The following LRRN2 variants were observed in gnomAD, a reference collection of about 807,000 sequenced individuals.
The protein encoded by LRRN2 is leucine rich repeat neuronal 2.
Under a neutral mutation model 35.7 loss-of-function variants are expected in LRRN2, and 10 were observed. The ratio of observed to expected loss-of-function variants is 0.28; its 90% CI spans 0.17 to 0.47. The LOEUF is 0.47. Among genes scored for constraint, LRRN2 ranks in the 20% least tolerant of loss-of-function variants. LRRN2 has a pLI of 0.99. For synonymous variants in LRRN2, 391 were observed against 409.6 expected, an observed-to-expected ratio of 0.95 and a Z score of 0.55; for missense variants, 731 against 940.3, an observed-to-expected ratio of 0.78 and a Z score of 2.91.
chr1:204,672,305 C>T (rs926249859), intron 1 of LRRN2, among the ~76,000 whole-genome samples: 1 of 152,112 alleles, frequency 6.6e-6, no homozygotes, highest in East Asian at 1.9e-4. Context: ...AAGTCCTTCC[C>T]CCTCCCCATT....
rs116055977 is a variant in LRRN2, at chr1:204,681,042, C to T, written c.-227+4278G>A. Among the ~76,000 whole-genome samples the T allele has an allele frequency of 6.6e-3, 999 of 152,016 alleles. 15 individuals are homozygous for T. Among genetic ancestry groups the T allele is most frequent in the Middle Eastern group, 0.048 (14 of 294 alleles). On this transcript the variant is annotated intron_variant, in intron 1 of 1. Transcript: ENST00000367177. ...TGTAATCTCAGCTCACTACAATCTC[C>T]GCCACCTGGGTTCAAGTGATTCTCC... is the stretch of plus-strand genomic sequence containing the variant.
intron 1 of LRRN2, among the ~76,000 whole-genome samples, chr1:204,657,950 G>GT (rs903407201): frequency 4.9e-5 from 7 of 142,752 alleles, no homozygotes; most frequent in Non-Finnish European, 1.1e-4. Flanking sequence ...TAAAATTCTA[G>GT]TAAGCCTTAG....
At chr1:204,624,524 C>T (rs1177329752) in intron 1 of LRRN2, among the ~76,000 whole-genome samples, 1 of 152,214 alleles carries the variant, frequency 6.6e-6, no homozygotes, top group Non-Finnish European at 1.5e-5. Context: ...GGGGCTGTTT[C>T]TGTGGATTTA....
At chr1:204,678,049 C>CTG (rs1668864395) in intron 1 of LRRN2, among the ~76,000 whole-genome samples, 1 of 152,174 alleles carries the variant, frequency 6.6e-6, no homozygotes, top group Non-Finnish European at 1.5e-5. Flanking sequence ...CGAATCTACT[C>CTG]CATTTTCCAA....
intron 1 of LRRN2, among the ~76,000 whole-genome samples, chr1:204,651,071 C>T (rs1668212875): frequency 6.6e-6 from 1 of 152,202 alleles, no homozygotes; most frequent in South Asian, 2.1e-4. Flanking sequence ...GCAGCTTTCT[C>T]CAGCAGCAGG....
intron 1 of LRRN2, among the ~76,000 whole-genome samples, chr1:204,649,042 C>T (rs1190158681): frequency 6.6e-6 from 1 of 152,252 alleles, no homozygotes; most frequent in Non-Finnish European, 1.5e-5. Context: ...TCAGAAAGTA[C>T]ACCAGGTGAA....
rs188113003 is a variant in LRRN2, at chr1:204,617,552, C to A, written c.*299G>T. The A allele has an allele frequency of 2.5e-6, 1 of 398,048 alleles. No homozygotes were observed. The highest frequency in any genetic ancestry group is 2.1e-5 in the African/African-American group (1 of 48,464). 24.7% of individuals were successfully genotyped at this position (398,048 alleles called of 1,614,324 possible). A position where few individuals can be genotyped will look rare whatever the true frequency, so the allele number is the denominator to read the frequency against. On this transcript the variant is annotated 3_prime_UTR_variant, in exon 2 of 2. Coordinates refer to ENST00000367177, the MANE Select transcript of LRRN2 (RefSeq NM_201630.2). ...AGGTAGGGGACAGCCAAGCCAGGCC[C>A]AGGAGCCTCTGGGCAGAGAGAAGAT... is the stretch of plus-strand genomic sequence containing the variant.
intron 1 of LRRN2, among the ~76,000 whole-genome samples, chr1:204,679,474 A>G (rs1668892262): frequency 6.6e-6 from 1 of 152,180 alleles, no homozygotes; most frequent in East Asian, 1.9e-4. Flanking sequence ...GATAGGACAG[A>G]CCCATTCTTC....
chr1:204,654,980 C>G (rs1309196208), intron 1 of LRRN2, among the ~76,000 whole-genome samples: 4 of 152,244 alleles, frequency 2.6e-5, no homozygotes, highest in African/African-American at 9.6e-5. Context: ...TTTATAAGAG[C>G]TCTGGGACTA....
chr1:204,639,513 ACTTGT>A (rs1351747950), intron 1 of LRRN2, among the ~76,000 whole-genome samples: 43 of 152,212 alleles, frequency 2.8e-4, no homozygotes, highest in African/African-American at 9.4e-4. Context: ...GGTGGTGCAC[ACTTGT>A]AGTCCAAGCT....
chr1:204,628,143 C>G (rs528047077), intron 1 of LRRN2: 3 of 152,222 alleles, frequency 2.0e-5, no homozygotes, highest in African/African-American at 4.8e-5. Context: ...GGGCAATACC[C>G]GGGCCACTCC....
chr1:204,681,586 G>A (rs552571312), intron 1 of LRRN2, among the ~76,000 whole-genome samples: 100 of 152,240 alleles, frequency 6.6e-4, no homozygotes, highest in African/African-American at 2.2e-3. Flanking sequence ...CTACTCTGAC[G>A]GTGAACTCCT....
Position 204,651,880 on chromosome 1 carries a change from A to T in LRRN2, c.-226-31662T>A, listed in dbSNP as rs138586976. On this transcript the variant is annotated intron_variant, in intron 1 of 1. Transcript: ENST00000367177. ...CATCCTCCTGCTGTAGGGCCTAAGA[A>T]TTACCAGCCCCTGCCTGCCCTGCCC... 4.0e-3 allele frequency among the ~76,000 whole-genome samples: 608 copies of T among 152,254 alleles called. 18 individuals are homozygous for T. The highest frequency in any genetic ancestry group is 0.034 in the Admixed American group (525 of 15,306).
intron 1 of LRRN2, among the ~76,000 whole-genome samples, chr1:204,651,840 C>A (rs1395493442): frequency 6.6e-6 from 1 of 152,196 alleles, no homozygotes; most frequent in Non-Finnish European, 1.5e-5. Flanking sequence ...ACTCCCAGCC[C>A]TCCTTCCAGA....
At chr1:204,647,155 T>TAA in intron 1 of LRRN2, among the ~76,000 whole-genome samples, 1 of 142,854 alleles carries the variant, frequency 7.0e-6, no homozygotes, top group East Asian at 2.0e-4. Context: ...GCAAGGAGGT[T>TAA]AAAAAAAAAA....
At chr1:204,675,855 T>C (rs541381807) in intron 1 of LRRN2, among the ~76,000 whole-genome samples, 4 of 152,386 alleles carry the variant, frequency 2.6e-5, no homozygotes, top group South Asian at 4.1e-4. Context: ...TGATGCACTA[T>C]GACCTAAGCT....
intron 1 of LRRN2, chr1:204,628,332 C>T (rs1465317812): frequency 6.6e-6 from 1 of 152,272 alleles, no homozygotes; most frequent in Admixed American, 6.5e-5. Flanking sequence ...TCTCTGAGAG[C>T]ACAGGCGAGT....
chr1:204,648,828 T>C (rs1668164646), intron 1 of LRRN2, among the ~76,000 whole-genome samples: 1 of 152,190 alleles, frequency 6.6e-6, no homozygotes, highest in Non-Finnish European at 1.5e-5. Context: ...GGTGGTGACC[T>C]TCCCCACTTT....
chr1:204,678,628 C>T (rs1668874901), intron 1 of LRRN2, among the ~76,000 whole-genome samples: 1 of 152,130 alleles, frequency 6.6e-6, no homozygotes, highest in African/African-American at 2.4e-5. Flanking sequence ...GCCACGCCAG[C>T]CTCCACGCCG....
Sources: gnomAD v4.1 joint callset for allele counts (sites outside exome capture counted in the v4.1 genomes callset) on GRCh38, gnomAD v4.1.1 for gene constraint, MANE v1.5 for transcripts, NCBI Gene and HGNC (gene_info 2026-07-23, HGNC 2026-07-21) for gene names.